The following TENT5D variants were observed in gnomAD, a reference collection of about 807,000 sequenced individuals.
TENT5D encodes the protein terminal nucleotidyltransferase 5D.
For missense variants in TENT5D, 191 were observed against 287.0 expected (o/e 0.67, Z 2.42); for synonymous variants, 103 against 100.6 (o/e 1.02, Z -0.15).
At chrX:80,353,421 C>T (rs1225672543) in intron 3 of TENT5D, among the ~76,000 whole-genome samples, 7 of 111,213 alleles carry the variant, frequency 6.3e-5, no homozygotes, top group East Asian at 2.8e-4. Context: ...TTTAAATTTT[C>T]GCCCTCCTCC....
intron 3 of TENT5D, among the ~76,000 whole-genome samples, chrX:80,367,517 G>C (rs1469869145): frequency 9.0e-6 from 1 of 111,375 alleles, no homozygotes; most frequent in African/African-American, 3.3e-5. Flanking sequence ...ACGGAAATCA[G>C]TATACAGAAG....
chrX:80,394,977 A>G (rs1440601745), intron 3 of TENT5D, among the ~76,000 whole-genome samples: 1 of 111,522 alleles, frequency 9.0e-6, no homozygotes, highest in Non-Finnish European at 1.9e-5. Flanking sequence ...TCTCCTATCT[A>G]ATTGTAACTT....
At chrX:80,409,050 C>G (rs1380703340) in intron 3 of TENT5D, among the ~76,000 whole-genome samples, 5 of 110,048 alleles carry the variant, frequency 4.5e-5, no homozygotes, top group Non-Finnish European at 5.7e-5. Flanking sequence ...ATTCAACAAC[C>G]CTTCATGCTA....
At chrX:80,427,583 T>G (rs2147562913) in intron 1 of TENT5D, among the ~76,000 whole-genome samples, 1 of 111,751 alleles carries the variant, frequency 8.9e-6, no homozygotes, top group Non-Finnish European at 1.9e-5. Context: ...GTTAATTAAT[T>G]AGAGCTCTTC....
upstream of TENT5D, among the ~76,000 whole-genome samples, chrX:80,417,738 A>C (rs976153535): frequency 1.4e-4 from 15 of 111,015 alleles, no homozygotes; most frequent in African/African-American, 4.6e-4. Flanking sequence ...GCTTCCTTTA[A>C]CATTTTTTCT....
upstream of TENT5D, among the ~76,000 whole-genome samples, chrX:80,417,007 G>T (rs986250503): frequency 1.8e-5 from 2 of 111,640 alleles, no homozygotes; most frequent in African/African-American, 6.5e-5. Flanking sequence ...TATATCTTTA[G>T]AATAGTTAGG....
At chrX:80,421,509 C>A (rs1268203921) in intron 1 of TENT5D, among the ~76,000 whole-genome samples, 2 of 111,970 alleles carry the variant, frequency 1.8e-5, no homozygotes, top group Non-Finnish European at 3.8e-5. Flanking sequence ...CTTTTAAGTA[C>A]CTTAAGAGTG....
At chrX:80,439,692 A>G (rs1004516857) in intron 2 of TENT5D, among the ~76,000 whole-genome samples, 3 of 110,950 alleles carry the variant, frequency 2.7e-5, no homozygotes, top group Non-Finnish European at 3.8e-5. Flanking sequence ...GGAGGCATGT[A>G]TAGATTCCAG....
At chrX:80,409,398 A>C (rs1348386502) in intron 3 of TENT5D, among the ~76,000 whole-genome samples, 1 of 111,413 alleles carries the variant, frequency 9.0e-6, no homozygotes, top group Non-Finnish European at 1.9e-5. Context: ...AACTTCAGCA[A>C]AGTCTCAGGA....
intron 3 of TENT5D, among the ~76,000 whole-genome samples, chrX:80,346,512 A>G (rs1267017166): frequency 9.0e-6 from 1 of 111,686 alleles, no homozygotes; most frequent in East Asian, 2.8e-4. Context: ...TATTGTCATT[A>G]TCTTTTATTT....
intron 3 of TENT5D, among the ~76,000 whole-genome samples, chrX:80,393,947 C>T (rs1485675200): frequency 8.9e-6 from 1 of 111,834 alleles, no homozygotes; most frequent in East Asian, 2.8e-4. Context: ...ATTTTTTACC[C>T]ACTCATTGAT....
chrX:80,435,072 C>T (rs1366383533), intron 1 of TENT5D, among the ~76,000 whole-genome samples: 5 of 110,975 alleles, frequency 4.5e-5, no homozygotes, highest in Admixed American at 9.6e-5. Context: ...CTTGAGCCAC[C>T]GCGCCCAGCC....
intron 3 of TENT5D, among the ~76,000 whole-genome samples, chrX:80,400,850 T>A (rs778757979): frequency 8.9e-6 from 1 of 111,865 alleles, no homozygotes; most frequent in Admixed American, 9.5e-5. Context: ...TAGTATGATC[T>A]CTCCAGCTTT....
chrX:80,381,270 A>G (rs1271737321), intron 3 of TENT5D, among the ~76,000 whole-genome samples: 1 of 111,941 alleles, frequency 8.9e-6, no homozygotes, highest in African/African-American at 3.2e-5. Context: ...TTTCTTTAAG[A>G]ATGTTGAATA....
intron 2 of TENT5D, among the ~76,000 whole-genome samples, chrX:80,337,222 T>G (rs1929868850): frequency 8.9e-6 from 1 of 111,778 alleles, no homozygotes. Flanking sequence ...TATTAAATAT[T>G]GAATACCTAT....
At chrX:80,414,909 A>T (rs1192976396) in intron 3 of TENT5D, among the ~76,000 whole-genome samples, 1 of 110,959 alleles carries the variant, frequency 9.0e-6, no homozygotes, top group African/African-American at 3.3e-5. Context: ...CACAATATTG[A>T]TTTTTCCTAT....
In TENT5D at chrX:80,377,427, G is replaced by A. The variant is rs1023998574; in HGVS notation, c.-142+34863G>A. Among the ~76,000 whole-genome samples, 14 of 110,546 alleles carry A rather than the reference G, an allele frequency of 1.3e-4. No homozygotes were observed. The South Asian group carries it at 3.1e-3, about 25-fold the overall frequency. On this transcript the variant is annotated intron_variant, in intron 3 of 4. Coordinates refer to the TENT5D transcript ENST00000538312. ...CAGGCCCCAGTGTGTGATGTTCCCC[G>A]CCCTGTGTCCAAGTGTACTCATTGT...
chrX:80,435,517 T>TA (rs753959710), intron 1 of TENT5D, among the ~76,000 whole-genome samples: 16 of 112,670 alleles, frequency 1.4e-4, no homozygotes, highest in Non-Finnish European at 2.6e-4. Context: ...GCTTTGTAAT[T>TA]ATTTTTAATG....
At chrX:80,422,742 A>G (rs1465968930) in intron 1 of TENT5D, among the ~76,000 whole-genome samples, 1 of 111,498 alleles carries the variant, frequency 9.0e-6, no homozygotes, top group Non-Finnish European at 1.9e-5. Flanking sequence ...ATGAGTTTCT[A>G]CTTTTCTCCT....
Sources: gnomAD v4.1 joint callset for allele counts (sites outside exome capture counted in the v4.1 genomes callset) on GRCh38, gnomAD v4.1.1 for gene constraint, MANE v1.5 for transcripts, NCBI Gene and HGNC (gene_info 2026-07-23, HGNC 2026-07-21) for gene names.